EEF2: variants seen among roughly 807,000 people sequenced by gnomAD.
The protein encoded by EEF2 is eukaryotic translation elongation factor 2, also known as elongation factor 2.
In EEF2, 21 loss-of-function variants were observed where a neutral mutation model predicts 85.3. That is an observed-to-expected ratio of 0.25 (90% confidence interval 0.17 to 0.35). The LOEUF (loss-of-function observed/expected upper bound fraction) is 0.35. Among genes scored for constraint, EEF2 ranks in the 10% least tolerant of loss-of-function variants. The probability of loss-of-function intolerance (pLI) is 1.00; values close to 1 mark genes in which losing one functional copy is unlikely to be tolerated. For synonymous variants in EEF2, 723 were observed against 508.8 expected, an observed-to-expected ratio of 1.42 and a Z score of -5.67; for missense variants, 825 against 1,225.3, an observed-to-expected ratio of 0.67 and a Z score of 4.88.
At position 3,978,183 on chromosome 19, in the gene EEF2, A is replaced by C; in HGVS notation, c.1714-11T>G. The C allele has an allele frequency of 6.9e-7, 1 of 1,441,608 alleles. No individual in the cohort carries two copies. The highest frequency in any genetic ancestry group is 9.2e-7 in the Non-Finnish European group (1 of 1,092,064). The allele number at this position is 1,441,608 out of a possible 1,614,324, so 89.3% of individuals were successfully genotyped here. On this transcript the variant is annotated splice_polypyrimidine_tract_variant and intron_variant, in intron 11 of 14. Transcript: ENST00000309311. ...GACCGGGTCAGATTTCTGCAAAAAGAGGTTAAGTCCCACTCTTGCCTGGAG... is the reference window on the plus strand; with the variant it reads ...GACCGGGTCAGATTTCTGCAAAAAGCGGTTAAGTCCCACTCTTGCCTGGAG...
chr19:3,976,550 C>A lies in EEF2; in HGVS notation c.*4G>T. The stretch of plus-strand genomic sequence containing the variant: ...GGGGCGGCAGGCGCTGCAGGAAGGG[C>A]CGCCTACAATTTGTCCAGGAAGTTG... On this transcript the variant is annotated 3_prime_UTR_variant, in exon 15 of 15. Transcript: ENST00000309311. 1 of 1,600,918 alleles carries A rather than the reference C, an allele frequency of 6.2e-7. No homozygotes were observed.
rs757876627 is a variant in EEF2, at chr19:3,979,308, G to C, written c.1713+21C>G. 2.5e-6 allele frequency: 4 copies of C among 1,602,208 alleles called. No individual in the cohort carries two copies. The East Asian group carries it at 8.9e-5, about 36-fold the overall frequency. On this transcript the variant is annotated intron_variant, in intron 11 of 14. Coordinates refer to ENST00000309311, the MANE Select transcript of EEF2 (RefSeq NM_001961.4). ...GGTGTCCGGGGTGGGGCGTGGGGAA[G>C]GCTGGTCACTGGCGCCTCACCTTGA...
intron 4 of EEF2, 142 bp from the exon 5 acceptor site, chr19:3,982,566 C>A: frequency 8.2e-7 from 1 of 1,215,812 alleles, no homozygotes; most frequent in Non-Finnish European, 1.2e-6. Context: ...GATCAGTCAT[C>A]ACGAATAGGG....
Position 3,979,889 on chromosome 19 carries a change from G to C in EEF2, c.1524C>G (p.Ala508=), listed in dbSNP as rs775626610. Residue 508 remains alanine (A), a synonymous_variant, in exon 10 of 15, where the codon GCC becomes GCG. Transcript: ENST00000309311. Reference sequence around the variant, plus strand: ...GGTCAGCCGGGTTCTTGGCCTCCACGGCCACTCTGACAACAGGGCTGACGC... The same window carrying C: ...GGTCAGCCGGGTTCTTGGCCTCCACCGCCACTCTGACAACAGGGCTGACGC... The part of the protein sequence containing the change: ...KFSVSPVVRV[A]VEAKNPADLP... 3.7e-6 allele frequency: 6 copies of C among 1,613,728 alleles called. No individual in the cohort carries two copies. The highest frequency in any genetic ancestry group is 1.1e-5 in the South Asian group (1 of 91,088).
In EEF2 at chr19:3,977,088, C is replaced by CCACCTGCTCCATCCAT; in HGVS notation, c.2383+111_2383+126dup. On this transcript the variant is annotated intron_variant, in intron 14 of 14. Coordinates refer to ENST00000309311, the MANE Select transcript of EEF2 (RefSeq NM_001961.4). This position sits in a 1 kb window ranked among gnomAD's most constrained non-coding sequence, Gnocchi z 5.4. ...GGTCCACAAGCTGTCAGAAACTGGA[C>CCACCTGCTCCATCCAT]CACCTGCTCCATCCATCACCTGCTC... 1.5e-6 allele frequency: 2 copies of CCACCTGCTCCATCCAT among 1,372,782 alleles called. No homozygotes were observed. Among genetic ancestry groups the CCACCTGCTCCATCCAT allele is most frequent in the Non-Finnish European group, 2.0e-6 (2 of 1,020,744 alleles). 85.0% of individuals were successfully genotyped at this position (1,372,782 alleles called of 1,614,324 possible). A position where few individuals can be genotyped will look rare whatever the true frequency, so the allele number is the denominator to read the frequency against.
At chr19:3,984,686 G>A (rs973518571) in intron 1 of EEF2, 6 of 242,882 alleles carry the variant, frequency 2.5e-5, no homozygotes, top group African/African-American at 6.8e-5. Context: ...CTCTCCTAAA[G>A]CCCCCTCCAC....
At position 3,982,038 on chromosome 19, in the gene EEF2, G is replaced by C; in HGVS notation, c.806C>G (p.Ala269Gly). The C allele has an allele frequency of 2.4e-5, 39 of 1,614,180 alleles. No homozygotes were observed. Among genetic ancestry groups the C allele is most frequent in the Non-Finnish European group, 3.2e-5 (38 of 1,180,006 alleles). ...KLWGDRYFDP[A>G]NGKFSKSATS... Reference sequence around the variant, plus strand: ...GGCTGACTTGCTGAACTTGCCGTTGGCTGGGTCAAAGTACCTGGCAAGGAG... The same window carrying C: ...GGCTGACTTGCTGAACTTGCCGTTGCCTGGGTCAAAGTACCTGGCAAGGAG... The change falls in exon 6 of 15, where the codon GCC becomes GGC. Residue 269 changes from alanine to glycine, a missense_variant. By Grantham distance (60) the Ala-to-Gly change is moderately conservative. Coordinates refer to ENST00000309311, the MANE Select transcript of EEF2 (RefSeq NM_001961.4).
In EEF2 at chr19:3,982,400, C is replaced by A. The variant is rs773181804; in HGVS notation, c.637G>T (p.Gly213Cys). ...IMIDPVLGTV[G>C]FGSGLHGWAF... Reference sequence around the variant, plus strand: ...CACCCGTGGAGGCCAGACCCAAAGCCCACGGTACCGAGGACAGGATCGATC... The same window carrying A: ...CACCCGTGGAGGCCAGACCCAAAGCACACGGTACCGAGGACAGGATCGATC... Residue 213 changes from glycine to cysteine, a missense_variant, in exon 5 of 15, where the codon GGC becomes TGC. By Grantham distance (159) the Gly-to-Cys change is radical. Coordinates refer to ENST00000309311, the MANE Select transcript of EEF2 (RefSeq NM_001961.4). 7.4e-6 allele frequency: 12 copies of A among 1,614,014 alleles called. No homozygotes were observed. The highest frequency in any genetic ancestry group is 1.0e-5 in the Non-Finnish European group (12 of 1,180,042).
chr19:3,981,894 G>C, intron 6 of EEF2, 53 bp downstream of exon 6: 2 of 1,555,636 alleles, frequency 1.3e-6, no homozygotes, highest in Non-Finnish European at 1.8e-6. Context: ...GAGCCCACAG[G>C]GCCGAGGGCC....
At chr19:3,984,903 G>A (rs758089615) in intron 1 of EEF2, 23 of 170,430 alleles carry the variant, frequency 1.3e-4, no homozygotes, top group Non-Finnish European at 2.7e-4. Flanking sequence ...AAGTGCCTAA[G>A]GTCGACGATT....
chr19:3,979,429 A>G lies in EEF2; in HGVS notation c.1613T>C (p.Ile538Thr), dbSNP rs1253602883. 1 of 1,613,416 alleles carries G rather than the reference A, an allele frequency of 6.2e-7. No homozygotes were observed. Among genetic ancestry groups the G allele is most frequent in the Admixed American group, 1.7e-5 (1 of 60,006 alleles). The change falls in exon 11 of 15, where the codon ATC (isoleucine) becomes ACC (threonine). Residue 538 changes from isoleucine (I) to threonine (T), a missense_variant. Physicochemically the swap from Ile to Thr is moderately conservative, Grantham distance 89. Transcript: ENST00000309311. Reference protein sequence around the residue: ...AKSDPMVQCIIEESGEHIIAG... With the variant: ...AKSDPMVQCITEESGEHIIAG... ...GATGATATGCTCTCCCGACTCCTCGATGATGCACTGAAAGGGATGCGGGTC... is the reference window on the plus strand; with the variant it reads ...GATGATATGCTCTCCCGACTCCTCGGTGATGCACTGAAAGGGATGCGGGTC...
In EEF2 at chr19:3,980,065, T is replaced by C. The variant is rs2039726135; in HGVS notation, c.1348A>G (p.Thr450Ala). ...EDLYLKPIQRTILMMGRYVEP... is the reference protein window; with the variant it reads ...EDLYLKPIQRAILMMGRYVEP... ...ACGTAGCGGCCCATCATCAAGATTG[T>C]TCTGGAAGAAGCAGAAGGCGGCAGC... Residue 450 changes from threonine (T) to alanine (A), a missense_variant and splice_region_variant, in exon 10 of 15, where the codon ACA becomes GCA. Transcript: ENST00000309311. 6.2e-7 allele frequency: 1 copy of C among 1,611,468 alleles called. No homozygotes were observed. The highest frequency in any genetic ancestry group is 1.3e-5 in the African/African-American group (1 of 74,922).
chr19:3,984,368 G>A lies in EEF2; in HGVS notation c.4-18C>T, dbSNP rs1341909139. Reference sequence around the variant, plus strand: ...AAGTTCACCTGGGCAAGACAAGGAGGCTCAGACCAGCTCGTGATTTCCAGG... The same window carrying A: ...AAGTTCACCTGGGCAAGACAAGGAGACTCAGACCAGCTCGTGATTTCCAGG... On this transcript the variant is annotated intron_variant, in intron 1 of 14. Transcript: ENST00000309311. 1.1e-5 allele frequency: 18 copies of A among 1,609,290 alleles called. No homozygotes were observed. The highest frequency in any genetic ancestry group is 2.7e-5 in the African/African-American group (2 of 74,840).
rs564299543 is a variant in EEF2 at position 3,979,579 on chromosome 19, T to C, written c.1606-143A>G. 3.3e-4 allele frequency: 304 copies of C among 925,644 alleles called. 4 individuals carry two copies. The South Asian group carries it at 4.2e-3, about 13-fold the overall frequency. The allele number at this position is 925,644 out of a possible 1,614,324, so 57.3% of individuals were successfully genotyped here. A position where few individuals can be genotyped will look rare whatever the true frequency, so the allele number is the denominator to read the frequency against. ...GGAAACTGGGACCAGCACAAACTCCTGAAGAAATGTTAAGTCCCACAAGCT... is the reference window on the plus strand; with the variant it reads ...GGAAACTGGGACCAGCACAAACTCCCGAAGAAATGTTAAGTCCCACAAGCT... On this transcript the variant is annotated intron_variant, in intron 10 of 14. Coordinates refer to ENST00000309311, the MANE Select transcript of EEF2 (RefSeq NM_001961.4).
intron 6 of EEF2, 21 bp downstream of exon 6, chr19:3,981,926 C>T: frequency 6.2e-7 from 1 of 1,608,816 alleles, no homozygotes; most frequent in Non-Finnish European, 8.5e-7. Context: ...CGGCGGGGTG[C>T]CTGGCGCAGC....
chr19:3,982,231 T>A lies in EEF2; in HGVS notation c.791+15A>T, dbSNP rs753104855. ...CAGGTGTCAGGAATCCCCCACCATATCCCGCGGGGCTCACCTGTCACCCCA... is the reference window on the plus strand; with the variant it reads ...CAGGTGTCAGGAATCCCCCACCATAACCCGCGGGGCTCACCTGTCACCCCA... On this transcript the variant is annotated intron_variant, in intron 5 of 14. Transcript: ENST00000309311. 160 of 1,613,124 alleles carry A rather than the reference T, an allele frequency of 9.9e-5. No individual in the cohort carries two copies. Among genetic ancestry groups the A allele is most frequent in the Non-Finnish European group, 1.3e-4 (156 of 1,179,410 alleles).
chr19:3,980,132 C>T (rs2039727147), intron 9 of EEF2, 66 bp from the exon 10 acceptor site: 2 of 1,557,908 alleles, frequency 1.3e-6, no homozygotes, highest in African/African-American at 1.3e-5. Context: ...AGGGCCAGGG[C>T]AGGTCCCTCC....
chr19:3,981,231 G>T, intron 7 of EEF2, 108 bp downstream of exon 7: 1 of 1,178,084 alleles, frequency 8.5e-7, no homozygotes. Flanking sequence ...AGGGGCAGCA[G>T]CTGTCCCTGC....
Position 3,977,200 on chromosome 19 carries a change from C to A in EEF2, c.2383+15G>T, listed in dbSNP as rs780436610. 2 of 1,610,724 alleles carry A rather than the reference C, an allele frequency of 1.2e-6. No homozygotes were observed. Among genetic ancestry groups the A allele is most frequent in the Non-Finnish European group, 1.7e-6 (2 of 1,178,170 alleles). ...GCCTGCCAGGCTCTGCAGGCCACACCGGGCAGGCACTCACCAAAGGACTCG... is the reference window on the plus strand; with the variant it reads ...GCCTGCCAGGCTCTGCAGGCCACACAGGGCAGGCACTCACCAAAGGACTCG... On this transcript the variant is annotated intron_variant, in intron 14 of 14. Transcript: ENST00000309311. The surrounding 1 kb of genome is among the most constrained non-coding windows in gnomAD (Gnocchi z 5.4).
Sources: gnomAD v4.1 joint callset for allele counts on GRCh38, gnomAD v4.1.1 for gene constraint, Gnocchi (gnomAD v3.1) non-coding constraint, MANE v1.5 for transcripts, NCBI Gene and HGNC (gene_info 2026-07-23, HGNC 2026-07-21) for gene names.